TET3: variants seen among roughly 807,000 people sequenced by gnomAD.
TET3 encodes the protein methylcytosine dioxygenase TET3.
TET3 carries 19 observed loss-of-function variants against 141.4 expected under a neutral mutation model. That is an observed-to-expected ratio of 0.13 (90% confidence interval 0.09 to 0.20). The LOEUF is 0.20. TET3 is among the 10% of genes least tolerant of loss of function. The pLI is 1.00. For synonymous variants in TET3, 1,043 were observed against 980.9 expected (o/e 1.06, Z -1.18); for missense variants, 1,874 against 2,356.9 (o/e 0.80, Z 4.24).
upstream of TET3, among the ~76,000 whole-genome samples, chr2:73,984,371 C>G (rs1034409513): frequency 1.3e-5 from 2 of 152,226 alleles, no homozygotes; most frequent in Non-Finnish European, 2.9e-5. The surrounding 1 kb of genome is among the most constrained non-coding windows in gnomAD (Gnocchi z 5.6). Context: ...CCCTTCTTGC[C>G]GGCCAGGCTG....
intron 4 of TET3, among the ~76,000 whole-genome samples, chr2:74,068,643 C>A (rs1366051469): frequency 2.0e-5 from 3 of 152,078 alleles, no homozygotes; most frequent in African/African-American, 7.2e-5. Flanking sequence ...ATTTGAAATT[C>A]TTTGAAATTG....
In TET3 at chr2:74,100,983, G is replaced by A; in HGVS notation, c.4195G>A (p.Glu1399Lys). The change falls in exon 12 of 12, where the codon GAG becomes AAG. Residue 1399 changes from glutamate to lysine, a missense_variant. Glu to Lys is a moderately conservative substitution (Grantham distance 56). Around this residue, in one of 10 missense-constraint regions of TET3, gnomAD observed 602 missense variants for 590.2 expected, o/e 1.02. Transcript: ENST00000409262. ...CTGCTACAACAGATCCATCAAGCAA[G>A]AGCCAGTAGACCCGCTGACCCAGGC... ...SNCYNRSIKQEPVDPLTQAEP... is the reference protein window; with the variant it reads ...SNCYNRSIKQKPVDPLTQAEP... The A allele has an allele frequency of 6.2e-7, 1 of 1,612,692 alleles. No homozygotes were observed. Among genetic ancestry groups the A allele is most frequent in the Non-Finnish European group, 8.5e-7 (1 of 1,179,442 alleles).
chr2:74,013,766 C>A (rs1212649488), intron 3 of TET3, among the ~76,000 whole-genome samples: 1 of 151,992 alleles, frequency 6.6e-6, no homozygotes, highest in Non-Finnish European at 1.5e-5. Context: ...GAGCCGAGAT[C>A]GCACCACTGC....
chr2:74,014,461 CAG>C (rs1685625220), intron 3 of TET3, among the ~76,000 whole-genome samples: 1 of 152,126 alleles, frequency 6.6e-6, no homozygotes, highest in East Asian at 1.9e-4. Context: ...CTAGGCAGTG[CAG>C]CACTTGGTGA....
chr2:74,011,166 T>TGCAGTGGGCCAA (rs1210055271), intron 3 of TET3, among the ~76,000 whole-genome samples: 1 of 139,574 alleles, frequency 7.2e-6, no homozygotes, highest in Non-Finnish European at 1.5e-5. Flanking sequence ...AGGCAGAGGT[T>TGCAGTGGGCCAA]GCAGTGGGCC....
the TET3 span, among the ~76,000 whole-genome samples, chr2:74,133,994 C>G: frequency 6.6e-6 from 1 of 151,988 alleles, no homozygotes; most frequent in African/African-American, 2.4e-5. Context: ...CCCCCCCCCT[C>G]GGCCTCTCAA....
intron 3 of TET3, among the ~76,000 whole-genome samples, chr2:74,036,151 A>C (rs952796268): frequency 1.3e-5 from 2 of 152,334 alleles, no homozygotes; most frequent in South Asian, 2.1e-4. Context: ...ATCTTGTGAG[A>C]TAGGTACTGT....
intron 3 of TET3, among the ~76,000 whole-genome samples, chr2:74,029,957 G>C (rs1686583522): frequency 6.6e-6 from 1 of 152,148 alleles, no homozygotes; most frequent in East Asian, 1.9e-4. Context: ...GGTTTATGTT[G>C]CCCTGCACAT....
chr2:74,040,870 G>A (rs981795961), intron 3 of TET3, among the ~76,000 whole-genome samples: 5 of 152,114 alleles, frequency 3.3e-5, no homozygotes, highest in African/African-American at 1.2e-4. Context: ...ACTCCATCAT[G>A]GGCAACAGAG....
At chr2:74,054,098 G>A (rs1420215671) in intron 4 of TET3, among the ~76,000 whole-genome samples, 1 of 152,176 alleles carries the variant, frequency 6.6e-6, no homozygotes, top group Non-Finnish European at 1.5e-5. Flanking sequence ...TGCGGAAGAT[G>A]AGAGAACATG....
At chr2:74,013,215 C>T (rs1467027638) in intron 3 of TET3, among the ~76,000 whole-genome samples, 4 of 151,822 alleles carry the variant, frequency 2.6e-5, no homozygotes, top group East Asian at 2.0e-4. Context: ...AGGATGGTCT[C>T]GATCTCCTGA....
the TET3 span, among the ~76,000 whole-genome samples, chr2:74,116,493 C>A: frequency 6.6e-6 from 1 of 151,662 alleles, no homozygotes; most frequent in African/African-American, 2.4e-5. Context: ...GACCAGCCAA[C>A]ATGGTGAAAT....
chr2:74,126,841 T>C, the TET3 span, among the ~76,000 whole-genome samples: 1 of 152,170 alleles, frequency 6.6e-6, no homozygotes, highest in Non-Finnish European at 1.5e-5. Flanking sequence ...ACGCTAACTT[T>C]AGAAAATATT....
Position 74,018,497 on chromosome 2 carries a change from G to A in TET3, c.360+15331G>A, listed in dbSNP as rs902687008. On this transcript the variant is annotated intron_variant, in intron 3 of 11. Coordinates refer to ENST00000409262, the MANE Select transcript of TET3 (RefSeq NM_001287491.2). The stretch of plus-strand genomic sequence containing the variant: ...TAAGGTGAGATTTATTTTTGCATGC[G>A]ATATAAGATAGGGATTGAACTTTTC... Among the ~76,000 whole-genome samples the A allele has an allele frequency of 3.3e-5, 5 of 152,140 alleles. No individual in the cohort carries two copies. The East Asian group carries it at 7.7e-4, about 24-fold the overall frequency.
At chr2:74,089,151 C>G (rs1361949938) in intron 7 of TET3, among the ~76,000 whole-genome samples, 2 of 151,324 alleles carry the variant, frequency 1.3e-5, no homozygotes, top group African/African-American at 4.9e-5. Flanking sequence ...CATGCATGCC[C>G]TTTATAAGCA....
chr2:74,034,209 G>A (rs1573745648), intron 3 of TET3, among the ~76,000 whole-genome samples: 1 of 145,322 alleles, frequency 6.9e-6, no homozygotes, highest in Non-Finnish European at 1.5e-5. Flanking sequence ...AAACACAATA[G>A]AATGAAGCAC....
intron 10 of TET3, among the ~76,000 whole-genome samples, chr2:74,098,516 G>A (rs1237657179): frequency 6.6e-6 from 1 of 152,050 alleles, no homozygotes; most frequent in Non-Finnish European, 1.5e-5. Context: ...TCTGGGTGGT[G>A]GGATGGGAGA....
At chr2:74,054,109 G>C (rs1267304929) in intron 4 of TET3, among the ~76,000 whole-genome samples, 1 of 152,126 alleles carries the variant, frequency 6.6e-6, no homozygotes, top group Non-Finnish European at 1.5e-5. Flanking sequence ...AGAGAACATG[G>C]GGAAATACAG....
downstream of TET3, among the ~76,000 whole-genome samples, chr2:74,109,147 A>T (rs828866): frequency 0.53 from 81,088 of 152,010 alleles, 22,912 homozygotes; most frequent in East Asian, 0.87. Flanking sequence ...GTCATGATGG[A>T]TCCATCTGCA....
Sources: gnomAD v4.1 joint callset for allele counts (sites outside exome capture counted in the v4.1 genomes callset) on GRCh38, gnomAD v4.1.1 for gene constraint, gnomAD v4.1.1 regional missense constraint, Gnocchi (gnomAD v3.1) non-coding constraint, MANE v1.5 for transcripts, NCBI Gene and HGNC (gene_info 2026-07-23, HGNC 2026-07-21) for gene names.